The following EPB41L4A variants were observed in gnomAD, a reference collection of about 807,000 sequenced individuals.
EPB41L4A encodes the protein band 4.1-like protein 4A.
A neutral mutation model predicts 108.6 loss-of-function variants in EPB41L4A; 100 were observed. That is an observed-to-expected ratio of 0.92 (90% confidence interval 0.78 to 1.09). The LOEUF is 1.09. Among genes scored for constraint, EPB41L4A ranks in the 50% least tolerant of loss-of-function variants. The pLI is 0.00. For missense variants in EPB41L4A, 1,030 were observed against 842.7 expected, an observed-to-expected ratio of 1.22 and a Z score of -2.75; for synonymous variants, 319 against 289.0, an observed-to-expected ratio of 1.10 and a Z score of -1.05.
intron 1 of EPB41L4A, among the ~76,000 whole-genome samples, chr5:112,411,493 A>G (rs1162994505): frequency 1.3e-5 from 2 of 152,180 alleles, no homozygotes; most frequent in Non-Finnish European, 2.9e-5. Flanking sequence ...AATATATCAT[A>G]CATACTAATA....
intron 1 of EPB41L4A, among the ~76,000 whole-genome samples, chr5:112,339,524 A>C (rs5007786): frequency 0.16 from 9,410 of 58,038 alleles, 413 homozygotes; most frequent in Admixed American, 0.19. Flanking sequence ...ATATAGATAT[A>C]TATCTATATA....
rs533735518 is a variant in EPB41L4A at position 112,147,355 on chromosome 5, C to A, written n.995-1357G>T. On this transcript the variant is annotated intron_variant and non_coding_transcript_variant, in intron 12 of 13. Transcript: ENST00000507810. ...ACATTTAGCATAAAGATTAGCAAAT[C>A]TGAGCCGGGTGCGGTGACTCACGCC... Among the ~76,000 whole-genome samples, 3 of 152,212 alleles carry A rather than the reference C, an allele frequency of 2.0e-5. No individual in the cohort carries two copies. In the South Asian group the frequency reaches 6.2e-4, roughly 32 times the overall value.
intron 18 of EPB41L4A, among the ~76,000 whole-genome samples, chr5:112,180,029 AC>A (rs1761065961): frequency 6.6e-6 from 1 of 152,184 alleles, no homozygotes; most frequent in African/African-American, 2.4e-5. Flanking sequence ...ATACTAAAAA[AC>A]AACTGAAAAA....
Position 112,419,129 on chromosome 5 carries a change from T to G in EPB41L4A, c.-90A>C, listed in dbSNP as rs1762911588. On this transcript the variant is annotated 5_prime_UTR_variant, in exon 1 of 23. Coordinates refer to ENST00000261486, the MANE Select transcript of EPB41L4A (RefSeq NM_022140.5). ...ACTCAAGCGCGATGCATTAATTTAT[T>G]GTCCGCGCCGTGGCGAGGGTGAGAC... is the stretch of plus-strand genomic sequence containing the variant. 3 of 974,062 alleles carry G rather than the reference T, an allele frequency of 3.1e-6. No individual in the cohort carries two copies. The highest frequency in any genetic ancestry group is 3.8e-5 in the Admixed American group (2 of 52,250). 60.3% of individuals were successfully genotyped at this position (974,062 alleles called of 1,614,324 possible). A position where few individuals can be genotyped will look rare whatever the true frequency, so the allele number is the denominator to read the frequency against.
At chr5:112,201,841 G>C (rs1185546888) in intron 15 of EPB41L4A, among the ~76,000 whole-genome samples, 2 of 152,130 alleles carry the variant, frequency 1.3e-5, no homozygotes, top group African/African-American at 4.8e-5. Flanking sequence ...ACCTTTTTCA[G>C]ATGTACAGGC....
At chr5:112,373,423 G>C (rs1561618982) in intron 1 of EPB41L4A, among the ~76,000 whole-genome samples, 6 of 152,090 alleles carry the variant, frequency 3.9e-5, no homozygotes, top group Admixed American at 3.9e-4. Flanking sequence ...TCTCCCTATA[G>C]CCCAACCTGA....
At chr5:112,189,724 C>T (rs1761600185) in intron 17 of EPB41L4A, among the ~76,000 whole-genome samples, 1 of 152,200 alleles carries the variant, frequency 6.6e-6, no homozygotes, top group African/African-American at 2.4e-5. Context: ...TCCTCCACAT[C>T]TCCCACTTCC....
At chr5:112,329,658 T>G (rs1202368044) in intron 1 of EPB41L4A, among the ~76,000 whole-genome samples, 3 of 152,216 alleles carry the variant, frequency 2.0e-5, no homozygotes, top group Non-Finnish European at 4.4e-5. Flanking sequence ...TTTCTGATTT[T>G]ATCTGTTCAG....
At chr5:112,191,168 G>A (rs1761679258) in intron 17 of EPB41L4A, among the ~76,000 whole-genome samples, 1 of 152,052 alleles carries the variant, frequency 6.6e-6, no homozygotes, top group South Asian at 2.1e-4. Flanking sequence ...GAACAGTAAA[G>A]AAAGAATAAA....
At chr5:112,281,159 T>G (rs1346354574) in intron 2 of EPB41L4A, among the ~76,000 whole-genome samples, 8 of 152,214 alleles carry the variant, frequency 5.3e-5, no homozygotes, top group African/African-American at 9.6e-5. Flanking sequence ...GTCTTTAGAA[T>G]AGCCCCTAGC....
At chr5:112,416,571 A>C (rs1473756567) in intron 1 of EPB41L4A, among the ~76,000 whole-genome samples, 11 of 152,164 alleles carry the variant, frequency 7.2e-5, no homozygotes, top group African/African-American at 2.2e-4. Flanking sequence ...TTTTGACTTT[A>C]ATTAGTGGTA....
At chr5:112,291,729 T>C (rs1463475919) in intron 2 of EPB41L4A, among the ~76,000 whole-genome samples, 2 of 152,182 alleles carry the variant, frequency 1.3e-5, no homozygotes, top group Non-Finnish European at 2.9e-5. Flanking sequence ...GAGGACTTGG[T>C]CCAGGGAGCT....
rs553470011 is a variant in EPB41L4A, at chr5:112,237,866, C to T, written c.965+1794G>A. ...CATGTAGATTTAAGATTCATTAAGACTTACTAGGCAGTTAACATCAGCCAC... is the reference window on the plus strand; with the variant it reads ...CATGTAGATTTAAGATTCATTAAGATTTACTAGGCAGTTAACATCAGCCAC... On this transcript the variant is annotated intron_variant, in intron 11 of 22. Coordinates refer to ENST00000261486, the MANE Select transcript of EPB41L4A (RefSeq NM_022140.5). 3.3e-5 allele frequency among the ~76,000 whole-genome samples: 5 copies of T among 152,264 alleles called. No individual in the cohort carries two copies. In the East Asian group the frequency reaches 9.7e-4, roughly 29 times the overall value.
intron 2 of EPB41L4A, among the ~76,000 whole-genome samples, chr5:112,287,517 C>A (rs1418816011): frequency 6.6e-6 from 1 of 152,224 alleles, no homozygotes; most frequent in Non-Finnish European, 1.5e-5. Context: ...TCTGCCCTTG[C>A]AGTTAGAGAA....
intron 12 of EPB41L4A, among the ~76,000 whole-genome samples, chr5:112,154,082 A>G (rs961596718): frequency 6.6e-6 from 1 of 152,254 alleles, no homozygotes; most frequent in Non-Finnish European, 1.5e-5. Flanking sequence ...TACTGTAATA[A>G]TAAGTATTAG....
upstream of EPB41L4A, chr5:112,419,627 GGAGCACCCACGACGCCCC>G (rs1168776566): frequency 2.2e-6 from 1 of 455,834 alleles, no homozygotes; most frequent in Non-Finnish European, 4.4e-6. Flanking sequence ...TTTTGTGTGA[GGAGCACCCACGACGCCCC>G]GACCATGGGC....
At chr5:112,367,106 G>A (rs1759168891) in intron 1 of EPB41L4A, among the ~76,000 whole-genome samples, 1 of 152,102 alleles carries the variant, frequency 6.6e-6, no homozygotes, top group Admixed American at 6.5e-5. Context: ...TTAAAGACAG[G>A]GACAATCAAT....
intron 1 of EPB41L4A, among the ~76,000 whole-genome samples, chr5:112,406,290 T>C (rs1443172081): frequency 2.0e-5 from 3 of 152,216 alleles, no homozygotes; most frequent in African/African-American, 4.8e-5. Flanking sequence ...TCTGCATCCT[T>C]CTTCAGGCAA....
rs1014930006 is a variant in EPB41L4A at position 112,255,576 on chromosome 5, T to C, written c.795+3653A>G. On this transcript the variant is annotated intron_variant, in intron 9 of 22. Transcript: ENST00000261486. ...CATCATCTGACACATGCTTAATACA[T>C]GACTTTTACTTGGCATTCAGCATAA... is the stretch of plus-strand genomic sequence containing the variant. Among the ~76,000 whole-genome samples, 3 of 152,188 alleles carry C rather than the reference T, an allele frequency of 2.0e-5. No individual in the cohort carries two copies. The East Asian group carries it at 5.8e-4, about 29-fold the overall frequency.
Sources: gnomAD v4.1 joint callset for allele counts (sites outside exome capture counted in the v4.1 genomes callset) on GRCh38, gnomAD v4.1.1 for gene constraint, MANE v1.5 for transcripts, NCBI Gene and HGNC (gene_info 2026-07-23, HGNC 2026-07-21) for gene names.